ANKRD26: variants seen among roughly 807,000 people sequenced by gnomAD.
ANKRD26 encodes the protein ankyrin repeat domain 26.
ANKRD26 carries 141 observed loss-of-function variants against 208.7 expected under a neutral mutation model. That is an observed-to-expected ratio of 0.68 (90% confidence interval 0.59 to 0.78). The LOEUF is 0.78. Ranked by LOEUF, ANKRD26 falls within the 30% of genes least tolerant of loss-of-function variation. The pLI is 0.00. For missense variants in ANKRD26, 1,889 were observed against 1,938.7 expected (o/e 0.97, Z 0.48); for synonymous variants, 636 against 660.4 (o/e 0.96, Z 0.57).
chr10:26,981,165 T>C (rs1589163162), intron 4 of ANKRD26, among the ~76,000 whole-genome samples: 1 of 152,226 alleles, frequency 6.6e-6, no homozygotes, highest in Admixed American at 6.5e-5. Context: ...AGGTATTGAC[T>C]ATCTGGGGCT....
At chr10:27,098,466 G>C (rs1421872979) in intron 1 of ANKRD26, among the ~76,000 whole-genome samples, 2 of 151,846 alleles carry the variant, frequency 1.3e-5, no homozygotes, top group African/African-American at 2.4e-5. Context: ...ATTTTCACTA[G>C]AACTTTTATA....
downstream of ANKRD26, among the ~76,000 whole-genome samples, chr10:27,002,736 T>A (rs1214299475): frequency 6.6e-6 from 1 of 152,250 alleles, no homozygotes; most frequent in Non-Finnish European, 1.5e-5. Context: ...AAGTGCTCCA[T>A]GAGCCTGCCA....
intron 5 of ANKRD26, among the ~76,000 whole-genome samples, chr10:26,993,390 A>G (rs147384454): frequency 2.4e-3 from 363 of 152,160 alleles, no homozygotes; most frequent in African/African-American, 8.0e-3. Flanking sequence ...CCAGGTATCC[A>G]CCCCATATCT....
chr10:27,090,974 T>C (rs376960949), intron 4 of ANKRD26, among the ~76,000 whole-genome samples: 1 of 152,110 alleles, frequency 6.6e-6, no homozygotes, highest in African/African-American at 2.4e-5. Flanking sequence ...CACATGCCTG[T>C]AGTCCCAGCT....
At chr10:27,068,602 G>GA (rs934401075) in intron 9 of ANKRD26, among the ~76,000 whole-genome samples, 3 of 152,060 alleles carry the variant, frequency 2.0e-5, no homozygotes, top group African/African-American at 7.2e-5. Flanking sequence ...AGGATGAGGA[G>GA]AAAAAACAGA....
chr10:26,990,863 G>A (rs554674282), downstream of ANKRD26, among the ~76,000 whole-genome samples: 2 of 152,248 alleles, frequency 1.3e-5, no homozygotes, highest in Non-Finnish European at 2.9e-5. Flanking sequence ...TATGCTTTCT[G>A]AGCACTTTAA....
chr10:26,958,413 T>C, the ANKRD26 span, among the ~76,000 whole-genome samples: 1 of 152,070 alleles, frequency 6.6e-6, no homozygotes, highest in Admixed American at 6.5e-5. Context: ...AAGCCCAACA[T>C]CCATTAGCTA....
intron 4 of ANKRD26, 39 bp downstream of exon 4, chr10:27,092,367 T>C (rs373002084): frequency 4.1e-5 from 61 of 1,493,150 alleles, no homozygotes; most frequent in Non-Finnish European, 5.4e-5. Flanking sequence ...CTTTTAAACA[T>C]ACAAGTTTAA....
chr10:26,953,792 T>C, the ANKRD26 span, among the ~76,000 whole-genome samples: 3 of 152,212 alleles, frequency 2.0e-5, no homozygotes, highest in Admixed American at 2.0e-4. Context: ...AAGCATCACA[T>C]GGGTGAGGGT....
intron 5 of ANKRD26, among the ~76,000 whole-genome samples, chr10:26,978,149 G>A (rs1300473668): frequency 2.0e-5 from 3 of 152,060 alleles, no homozygotes; most frequent in South Asian, 2.1e-4. Context: ...AAAGGTAAAC[G>A]AGCATCTAAA....
At chr10:26,986,849 A>G (rs2134645867) in intron 3 of ANKRD26, among the ~76,000 whole-genome samples, 1 of 152,382 alleles carries the variant, frequency 6.6e-6, no homozygotes, top group East Asian at 1.9e-4. Flanking sequence ...AAACTAGTTC[A>G]ACCATTGTGG....
At chr10:26,951,951 C>G in the ANKRD26 span, among the ~76,000 whole-genome samples, 1 of 152,076 alleles carries the variant, frequency 6.6e-6, no homozygotes, top group African/African-American at 2.4e-5. Context: ...GTTTATACCC[C>G]CTTCTTTCTC....
At chr10:26,976,065 C>A (rs931658285) in intron 5 of ANKRD26, among the ~76,000 whole-genome samples, 3 of 151,780 alleles carry the variant, frequency 2.0e-5, no homozygotes, top group African/African-American at 7.3e-5. Context: ...AATAAAAGAA[C>A]AAAAGATCAG....
At position 27,076,559 on chromosome 10, in the gene ANKRD26, C is replaced by T. The variant is rs576929613; in HGVS notation, c.1077+779G>A. On this transcript the variant is annotated intron_variant, in intron 9 of 33. Coordinates refer to ENST00000376087, the MANE Select transcript of ANKRD26 (RefSeq NM_014915.3). ...GGATTACAGGTGTGAGCCACCGTGC[C>T]CAGTAGCTTTTTTTTAAAAGATACA... Among the ~76,000 whole-genome samples the T allele has an allele frequency of 5.3e-5, 8 of 152,018 alleles. No homozygotes were observed. In the South Asian group the frequency reaches 1.7e-3, roughly 32 times the overall value.
At chr10:26,976,089 C>T (rs893309463) in intron 5 of ANKRD26, among the ~76,000 whole-genome samples, 2 of 152,098 alleles carry the variant, frequency 1.3e-5, no homozygotes, top group Non-Finnish European at 2.9e-5. Context: ...AATAAAATCT[C>T]TTTCTTCGAT....
At chr10:27,041,841 T>C (rs1381049023) in intron 20 of ANKRD26, among the ~76,000 whole-genome samples, 1 of 151,984 alleles carries the variant, frequency 6.6e-6, no homozygotes, top group Non-Finnish European at 1.5e-5. Flanking sequence ...TAATAAAAAC[T>C]ATAATCCCAC....
chr10:27,029,027 C>T (rs1355634327), intron 26 of ANKRD26, 82 bp from the exon 27 acceptor site: 2 of 1,152,116 alleles, frequency 1.7e-6, no homozygotes, highest in Non-Finnish European at 2.5e-6. Context: ...CACCTGAAGG[C>T]ATAATTACAT....
rs1354744848 is a variant in ANKRD26 at position 27,046,530 on chromosome 10, A to G, written c.1815-7T>C. ...TTGCAAGGCAGGACCACTACTTTAAAAAATCCATGGGAAATGACAGTTACA... is the reference window on the plus strand; with the variant it reads ...TTGCAAGGCAGGACCACTACTTTAAGAAATCCATGGGAAATGACAGTTACA... On this transcript the variant is annotated splice_region_variant and splice_polypyrimidine_tract_variant and intron_variant, in intron 17 of 33. Coordinates refer to ENST00000376087, the MANE Select transcript of ANKRD26 (RefSeq NM_014915.3). 1.2e-6 allele frequency: 2 copies of G among 1,613,584 alleles called. No individual in the cohort carries two copies. The highest frequency in any genetic ancestry group is 2.2e-5 in the East Asian group (1 of 44,856).
At chr10:26,981,028 C>CTGT (rs2052300299) in intron 4 of ANKRD26, among the ~76,000 whole-genome samples, 1 of 152,142 alleles carries the variant, frequency 6.6e-6, no homozygotes. Flanking sequence ...CCCATTCTGG[C>CTGT]TGTTGAGTTT....
Sources: gnomAD v4.1 joint callset for allele counts (sites outside exome capture counted in the v4.1 genomes callset) on GRCh38, gnomAD v4.1.1 for gene constraint, MANE v1.5 for transcripts, NCBI Gene and HGNC (gene_info 2026-07-23, HGNC 2026-07-21) for gene names.